Variants in STAP1 observed in about 807,000 individuals in gnomAD.
The protein encoded by STAP1 is signal-transducing adaptor protein 1.
STAP1 carries 30 observed loss-of-function variants against 37.8 expected under a neutral mutation model. The observed-to-expected ratio is 0.79, with a 90% CI of 0.59 to 1.08. STAP1 has a LOEUF of 1.08. Ranked by LOEUF, STAP1 falls within the 50% of genes least tolerant of loss-of-function variation. STAP1 has a pLI of 0.00. For missense variants in STAP1, 357 were observed against 349.4 expected, an observed-to-expected ratio of 1.02 and a Z score of -0.17; for synonymous variants, 130 against 116.0, an observed-to-expected ratio of 1.12 and a Z score of -0.78.
At chr4:67,562,720 G>C (rs960457608) in intron 1 of STAP1, among the ~76,000 whole-genome samples, 1 of 151,736 alleles carries the variant, frequency 6.6e-6, no homozygotes, top group East Asian at 1.9e-4. Flanking sequence ...TGCAGGGAGC[G>C]GAGATTGCGC....
At chr4:67,601,960 T>C (rs1412123511) in intron 8 of STAP1, among the ~76,000 whole-genome samples, 1 of 152,136 alleles carries the variant, frequency 6.6e-6, no homozygotes, top group Non-Finnish European at 1.5e-5. Context: ...TACCTTCTCT[T>C]TAAGACTAGT....
intron 1 of STAP1, among the ~76,000 whole-genome samples, chr4:67,565,934 C>CTTT (rs60607477): frequency 1.2e-4 from 7 of 59,450 alleles, no homozygotes; most frequent in East Asian, 3.7e-4. Flanking sequence ...AACCCAACTG[C>CTTT]TTTTTTTTTT....
In STAP1 at chr4:67,586,969, A is replaced by C. The variant is rs935107016; in HGVS notation, c.659+3267A>C. On this transcript the variant is annotated intron_variant, in intron 6 of 8. Coordinates refer to ENST00000265404, the MANE Select transcript of STAP1 (RefSeq NM_012108.4). ...TCATACCTGGAAGTGGATACGAAAA[A>C]TTCAACTGTATTGCACAAATTTTCC... Among the ~76,000 whole-genome samples, 6 of 152,338 alleles carry C rather than the reference A, an allele frequency of 3.9e-5. No homozygotes were observed. In the East Asian group the frequency reaches 1.2e-3, roughly 29 times the overall value.
chr4:67,567,303 G>A (rs759620428), intron 1 of STAP1, among the ~76,000 whole-genome samples: 41 of 152,096 alleles, frequency 2.7e-4, no homozygotes, highest in Admixed American at 2.1e-3. Flanking sequence ...TCTTTTCTAT[G>A]GTAATTTGTT....
At position 67,562,570 on chromosome 4, in the gene STAP1, C is replaced by T. The variant is rs1251307980; in HGVS notation, c.120+3641C>T. Among the ~76,000 whole-genome samples the T allele has an allele frequency of 2.0e-5, 3 of 148,738 alleles. No individual in the cohort carries two copies. The East Asian group carries it at 5.9e-4, about 29-fold the overall frequency. The stretch of plus-strand genomic sequence containing the variant: ...CACGAGGTCAGAAGATTGAGACCAT[C>T]CTGGCTAACAAGGTGAAACCCTGTC... On this transcript the variant is annotated intron_variant, in intron 1 of 8. Transcript: ENST00000265404.
chr4:67,565,645 C>T lies in STAP1; in HGVS notation c.121-5439C>T, dbSNP rs189795408. On this transcript the variant is annotated intron_variant, in intron 1 of 8. Transcript: ENST00000265404. ...TGTCCCAGGTCTTAGGTGCTTTACA[C>T]ACATACATTATTAGTCCATTCAATT... Among the ~76,000 whole-genome samples, 5 of 152,172 alleles carry T rather than the reference C, an allele frequency of 3.3e-5. No homozygotes were observed. The East Asian group carries it at 9.7e-4, about 29-fold the overall frequency.
At chr4:67,586,642 G>A (rs1033465989) in intron 6 of STAP1, among the ~76,000 whole-genome samples, 2 of 152,106 alleles carry the variant, frequency 1.3e-5, no homozygotes, top group African/African-American at 4.8e-5. Flanking sequence ...TGTACTTAGT[G>A]TCACAGTTTT....
chr4:67,591,812 T>C (rs1728124463), intron 7 of STAP1, among the ~76,000 whole-genome samples: 1 of 152,228 alleles, frequency 6.6e-6, no homozygotes, highest in Non-Finnish European at 1.5e-5. Context: ...AGAGCACACT[T>C]ACATCTTTGC....
intron 8 of STAP1, among the ~76,000 whole-genome samples, chr4:67,603,090 C>G (rs1728379417): frequency 6.6e-6 from 1 of 152,236 alleles, no homozygotes; most frequent in South Asian, 2.1e-4. Flanking sequence ...TGAGCTGGCA[C>G]CCAAGGTGTA....
intron 6 of STAP1, 151 bp downstream of exon 6, chr4:67,583,853 C>T (rs1727922011): frequency 1.2e-6 from 1 of 821,626 alleles, no homozygotes; most frequent in Non-Finnish European, 1.8e-6. Context: ...AATCTCAACA[C>T]TTCGGGAGGC....
At chr4:67,564,938 A>G (rs1324969690) in intron 1 of STAP1, among the ~76,000 whole-genome samples, 1 of 152,072 alleles carries the variant, frequency 6.6e-6, no homozygotes, top group Non-Finnish European at 1.5e-5. Context: ...CAAACAAACT[A>G]CACAGATGAT....
At chr4:67,569,314 G>A (rs1366329130) in intron 1 of STAP1, among the ~76,000 whole-genome samples, 2 of 152,170 alleles carry the variant, frequency 1.3e-5, no homozygotes, top group East Asian at 3.9e-4. Flanking sequence ...GTTTCTCTGG[G>A]TAAGTCAGTG....
Position 67,562,571 on chromosome 4 carries a change from C to T in STAP1, c.120+3642C>T, listed in dbSNP as rs576799823. Among the ~76,000 whole-genome samples, 722 of 147,612 alleles carry T rather than the reference C, an allele frequency of 4.9e-3. 8 individuals carry two copies. Among genetic ancestry groups the T allele is most frequent in the African/African-American group, 0.017 (692 of 40,266 alleles). On this transcript the variant is annotated intron_variant, in intron 1 of 8. Transcript: ENST00000265404. ...ACGAGGTCAGAAGATTGAGACCATC[C>T]TGGCTAACAAGGTGAAACCCTGTCT...
At chr4:67,593,984 G>A (rs1237477936) in intron 8 of STAP1, among the ~76,000 whole-genome samples, 1 of 152,152 alleles carries the variant, frequency 6.6e-6, no homozygotes, top group Non-Finnish European at 1.5e-5. Context: ...CCGAGCATGA[G>A]ACCCTATGCA....
intron 6 of STAP1, among the ~76,000 whole-genome samples, chr4:67,588,362 T>C (rs1003141760): frequency 6.9e-4 from 105 of 151,998 alleles, no homozygotes; most frequent in Non-Finnish European, 8.2e-4. Context: ...ACGATGATGA[T>C]GATGATGATG....
intron 1 of STAP1, among the ~76,000 whole-genome samples, chr4:67,565,941 T>A (rs1396037581): frequency 7.4e-6 from 1 of 135,422 alleles, no homozygotes; most frequent in Non-Finnish European, 1.6e-5. Context: ...CTGCTTTTTT[T>A]TTTTTTTTTT....
rs1205956826 is a variant in STAP1, at chr4:67,606,804, A to G, written c.*447A>G. ...CATTTTAATTACCTAGCTGGAAGTT[A>G]GAGACATGAAATGTACTAGAGGAGC... On this transcript the variant is annotated 3_prime_UTR_variant, in exon 9 of 9. Transcript: ENST00000265404. 5 of 152,798 alleles carry G rather than the reference A, an allele frequency of 3.3e-5. No individual in the cohort carries two copies. Among genetic ancestry groups the G allele is most frequent in the African/African-American group, 9.6e-5 (4 of 41,484 alleles). 9.5% of individuals were successfully genotyped at this position (152,798 alleles called of 1,614,324 possible). A position where few individuals can be genotyped will look rare whatever the true frequency, so the allele number is the denominator to read the frequency against.
chr4:67,605,092 A>G (rs1460082729), intron 8 of STAP1, among the ~76,000 whole-genome samples: 1 of 152,162 alleles, frequency 6.6e-6, no homozygotes, highest in African/African-American at 2.4e-5. Context: ...TCGAGCCGCC[A>G]AGGGTCCTTT....
chr4:67,601,984 G>T (rs1728351971), intron 8 of STAP1, among the ~76,000 whole-genome samples: 1 of 151,678 alleles, frequency 6.6e-6, no homozygotes, highest in Non-Finnish European at 1.5e-5. Context: ...TCTTAGATTT[G>T]CTCTTTGGAG....
Sources: gnomAD v4.1 joint callset for allele counts (sites outside exome capture counted in the v4.1 genomes callset) on GRCh38, gnomAD v4.1.1 for gene constraint, MANE v1.5 for transcripts, NCBI Gene and HGNC (gene_info 2026-07-23, HGNC 2026-07-21) for gene names.